The following ULK4 variants were observed in gnomAD, a reference collection of about 807,000 sequenced individuals.
ULK4 encodes inactive serine/threonine-protein kinase ULK4.
ULK4 carries 133 observed loss-of-function variants against 160.6 expected under a neutral mutation model. The ratio of observed to expected loss-of-function variants is 0.83; its 90% CI spans 0.72 to 0.96. The LOEUF (loss-of-function observed/expected upper bound fraction) is 0.96. Ranked by LOEUF, ULK4 falls within the 40% of genes least tolerant of loss-of-function variation. The probability of loss-of-function intolerance (pLI) is 0.00; values close to 1 mark genes in which losing one functional copy is unlikely to be tolerated. For missense variants in ULK4, 1,580 were observed against 1,499.5 expected (o/e 1.05, Z -0.89); for synonymous variants, 534 against 539.8 (o/e 0.99, Z 0.15).
chr3:41,424,109 G>A (rs1265021697), intron 34 of ULK4, among the ~76,000 whole-genome samples: 1 of 152,050 alleles, frequency 6.6e-6, no homozygotes, highest in African/African-American at 2.4e-5. Context: ...GCCAGTGCTG[G>A]AGATACTAGA....
chr3:41,762,845 T>C (rs2039034475), intron 21 of ULK4, among the ~76,000 whole-genome samples: 1 of 152,024 alleles, frequency 6.6e-6, no homozygotes, highest in Non-Finnish European at 1.5e-5. Context: ...TTCTGTATTT[T>C]TAGTAGAGAC....
At chr3:41,801,676 CT>C (rs2040463440) in intron 19 of ULK4, among the ~76,000 whole-genome samples, 1 of 151,922 alleles carries the variant, frequency 6.6e-6, no homozygotes, top group African/African-American at 2.4e-5. Context: ...ATAGCAAGAC[CT>C]TTTCTGTACA....
At chr3:41,341,640 G>C (rs2080687625) in intron 35 of ULK4, among the ~76,000 whole-genome samples, 1 of 152,180 alleles carries the variant, frequency 6.6e-6, no homozygotes, top group African/African-American at 2.4e-5. Context: ...AAGAAGGGTA[G>C]AGAACAAGGG....
intron 17 of ULK4, among the ~76,000 whole-genome samples, chr3:41,874,033 T>C (rs547885150): frequency 1.3e-5 from 2 of 152,052 alleles, no homozygotes; most frequent in East Asian, 3.9e-4. Flanking sequence ...TAGGGAAAAA[T>C]AAGTCCATAT....
intron 22 of ULK4, among the ~76,000 whole-genome samples, chr3:41,724,332 G>A (rs1344934203): frequency 6.6e-6 from 1 of 152,116 alleles, no homozygotes; most frequent in Non-Finnish European, 1.5e-5. Flanking sequence ...AATTTGCTGG[G>A]TCACAAAGCA....
chr3:41,704,099 T>C (rs2036781019), intron 27 of ULK4, among the ~76,000 whole-genome samples: 1 of 152,222 alleles, frequency 6.6e-6, no homozygotes. Context: ...ATCTAAAATT[T>C]TGCCTTTAGG....
intron 19 of ULK4, among the ~76,000 whole-genome samples, chr3:41,801,317 A>C (rs1028534413): frequency 6.6e-6 from 1 of 152,168 alleles, no homozygotes; most frequent in East Asian, 1.9e-4. Context: ...GAAAGAAATA[A>C]GACTTGAAAA....
At chr3:41,821,570 T>TCC (rs1394112628) in intron 18 of ULK4, among the ~76,000 whole-genome samples, 1 of 152,158 alleles carries the variant, frequency 6.6e-6, no homozygotes, top group Non-Finnish European at 1.5e-5. Flanking sequence ...CAGGATCCCA[T>TCC]CCCCATCCTC....
intron 32 of ULK4, among the ~76,000 whole-genome samples, chr3:41,557,447 A>G (rs973207963): frequency 2.6e-5 from 4 of 152,046 alleles, no homozygotes; most frequent in Non-Finnish European, 4.4e-5. Context: ...CAGAAATCAA[A>G]AACTTTCAAA....
chr3:41,561,855 T>C (rs2087585591), intron 32 of ULK4, among the ~76,000 whole-genome samples: 1 of 152,216 alleles, frequency 6.6e-6, no homozygotes, highest in South Asian at 2.1e-4. Context: ...TGCGTCTCTG[T>C]CTCCTTCAGT....
chr3:41,431,355 A>ACAAAT (rs999518280), intron 34 of ULK4, among the ~76,000 whole-genome samples: 7 of 139,118 alleles, frequency 5.0e-5, no homozygotes, highest in South Asian at 2.4e-4. Context: ...ACACACACAC[A>ACAAAT]AATAATAATA....
At chr3:41,775,757 A>G (rs979132471) in intron 21 of ULK4, among the ~76,000 whole-genome samples, 1 of 150,730 alleles carries the variant, frequency 6.6e-6, no homozygotes, top group Admixed American at 6.6e-5. Context: ...AACTACTCAC[A>G]TACGTTATTA....
At chr3:41,665,287 A>G (rs2035317602) in intron 29 of ULK4, among the ~76,000 whole-genome samples, 3 of 152,198 alleles carry the variant, frequency 2.0e-5, no homozygotes, top group Non-Finnish European at 4.4e-5. Flanking sequence ...AAAGAGACGG[A>G]CTATTACAGG....
In ULK4 at chr3:41,246,986, A is replaced by G; in HGVS notation, c.3771T>C (p.Phe1257=). 6.2e-7 allele frequency: 1 copy of G among 1,613,832 alleles called. No homozygotes were observed. The highest frequency in any genetic ancestry group is 8.5e-7 in the Non-Finnish European group (1 of 1,179,884). ...LERLAPGSGS[F]ADSAVAPLAL... ...CCAAGGGAGCCACCGCACTGTCGGCAAATGAACTGTAAGAAAAACCAAAGT... is the reference window on the plus strand; with the variant it reads ...CCAAGGGAGCCACCGCACTGTCGGCGAATGAACTGTAAGAAAAACCAAAGT... The change falls in exon 37 of 37, where the codon TTT becomes TTC. Residue 1257 remains phenylalanine (F), a synonymous_variant. Coordinates refer to ENST00000301831, the MANE Select transcript of ULK4 (RefSeq NM_017886.4).
chr3:41,563,677 C>T (rs1252806379), intron 32 of ULK4, among the ~76,000 whole-genome samples: 1 of 152,162 alleles, frequency 6.6e-6, no homozygotes, highest in Non-Finnish European at 1.5e-5. Context: ...GCATGCGTCA[C>T]GAAGTTCTCG....
intron 27 of ULK4, among the ~76,000 whole-genome samples, chr3:41,699,031 A>G (rs1417251820): frequency 6.6e-6 from 1 of 152,196 alleles, no homozygotes; most frequent in African/African-American, 2.4e-5. Context: ...ACTCATCCAT[A>G]GACTGTTGAT....
At chr3:41,582,049 T>C (rs2030391280) in intron 31 of ULK4, among the ~76,000 whole-genome samples, 1 of 152,210 alleles carries the variant, frequency 6.6e-6, no homozygotes, top group Admixed American at 6.5e-5. Context: ...AAATCTCATC[T>C]TGAATTGTAG....
At chr3:41,524,725 G>T (rs570655541) in intron 32 of ULK4, among the ~76,000 whole-genome samples, 2 of 152,216 alleles carry the variant, frequency 1.3e-5, no homozygotes, top group African/African-American at 4.8e-5. Flanking sequence ...AGATGAGAAG[G>T]TCAGGAGATC....
At chr3:41,821,802 T>C (rs577006057) in intron 18 of ULK4, among the ~76,000 whole-genome samples, 3 of 152,254 alleles carry the variant, frequency 2.0e-5, no homozygotes, top group South Asian at 2.1e-4. Context: ...CCCACTCCAA[T>C]ATGACGACTT....
Sources: gnomAD v4.1 joint callset for allele counts (sites outside exome capture counted in the v4.1 genomes callset) on GRCh38, gnomAD v4.1.1 for gene constraint, MANE v1.5 for transcripts, NCBI Gene and HGNC (gene_info 2026-07-23, HGNC 2026-07-21) for gene names.